The following PLD1 variants were observed in gnomAD, a reference collection of about 807,000 sequenced individuals.
The protein encoded by PLD1 is choline phosphatase 1.
A neutral mutation model predicts 137.1 loss-of-function variants in PLD1; 112 were observed. That is an observed-to-expected ratio of 0.82 (90% CI 0.70 to 0.96). The LOEUF is 0.96. Ranked by LOEUF, PLD1 falls within the 40% of genes least tolerant of loss-of-function variation. The probability of loss-of-function intolerance (pLI) is 0.00; values close to 1 mark genes in which losing one functional copy is unlikely to be tolerated. For synonymous variants in PLD1, 431 were observed against 454.7 expected (o/e 0.95, Z 0.66); for missense variants, 1,321 against 1,342.0 (o/e 0.98, Z 0.24).
chr3:171,737,441 A>G, intron 3 of PLD1, 91 bp downstream of exon 3: 2 of 1,097,732 alleles, frequency 1.8e-6, no homozygotes, highest in Non-Finnish European at 2.6e-6. Context: ...TACAAACATG[A>G]TCATAGCTAA....
intron 10 of PLD1, 72 bp downstream of exon 10, chr3:171,709,488 C>A: frequency 7.7e-7 from 1 of 1,292,392 alleles, no homozygotes; most frequent in Non-Finnish European, 1.1e-6. Context: ...AAACTGATTC[C>A]AGGTGAATTT....
chr3:171,728,196 G>C (rs1444854061), intron 6 of PLD1, among the ~76,000 whole-genome samples: 1 of 152,118 alleles, frequency 6.6e-6, no homozygotes, highest in Non-Finnish European at 1.5e-5. Context: ...CGTAATCCCA[G>C]CTACTCAGGA....
intron 19 of PLD1, among the ~76,000 whole-genome samples, chr3:171,671,701 C>T (rs1480385885): frequency 6.6e-6 from 1 of 151,714 alleles, no homozygotes; most frequent in East Asian, 1.9e-4. Flanking sequence ...ACATCATATT[C>T]CTTCTTGGTG....
chr3:171,628,045 C>A (rs1734294752), intron 23 of PLD1, among the ~76,000 whole-genome samples: 2 of 151,146 alleles, frequency 1.3e-5, no homozygotes, highest in East Asian at 3.9e-4. Context: ...ACACAAAAAA[C>A]CCTTCAAAAA....
intron 1 of PLD1, among the ~76,000 whole-genome samples, chr3:171,802,328 G>A (rs1476215854): frequency 1.3e-5 from 2 of 152,170 alleles, no homozygotes; most frequent in African/African-American, 4.8e-5. Context: ...ATAACCCTAG[G>A]TGAAAGGCTG....
chr3:171,665,055 T>C (rs1322565975), intron 19 of PLD1, among the ~76,000 whole-genome samples: 1 of 152,238 alleles, frequency 6.6e-6, no homozygotes, highest in Non-Finnish European at 1.5e-5. Context: ...AAAAACCTTA[T>C]ACTTTCTTTC....
intron 1 of PLD1, among the ~76,000 whole-genome samples, chr3:171,764,870 A>AGGAAGGAAG (rs1312215483): frequency 1.1e-4 from 3 of 26,302 alleles, no homozygotes; most frequent in African/African-American, 1.7e-4. Context: ...AAAGAAAGAA[A>AGGAAGGAAG]GAAAGAAAGA....
At chr3:171,791,457 C>A (rs1485415821) in intron 1 of PLD1, among the ~76,000 whole-genome samples, 1 of 152,150 alleles carries the variant, frequency 6.6e-6, no homozygotes, top group South Asian at 2.1e-4. Flanking sequence ...CTGGCAGTCA[C>A]CTTGCCAGCT....
At chr3:171,708,518 TCCAAATGCAAATATAAAA>T (rs1360666868) in intron 11 of PLD1, among the ~76,000 whole-genome samples, 1 of 152,214 alleles carries the variant, frequency 6.6e-6, no homozygotes, top group Non-Finnish European at 1.5e-5. Flanking sequence ...GAAGTCTGCT[TCCAAATGCAAATATAAAA>T]CCTAATTGTT....
At chr3:171,698,916 C>T (rs540551429) in intron 12 of PLD1, among the ~76,000 whole-genome samples, 2 of 142,456 alleles carry the variant, frequency 1.4e-5, no homozygotes, top group African/African-American at 5.2e-5. Context: ...GCAGAGGTTG[C>T]AGTGAGCCGA....
At chr3:171,757,564 C>G (rs1197096050) in intron 1 of PLD1, among the ~76,000 whole-genome samples, 1 of 152,096 alleles carries the variant, frequency 6.6e-6, no homozygotes, top group Non-Finnish European at 1.5e-5. Context: ...AAAACAGAGT[C>G]CTTTTGAAAT....
intron 9 of PLD1, among the ~76,000 whole-genome samples, chr3:171,712,358 C>T (rs1717329997): frequency 6.6e-6 from 1 of 152,158 alleles, no homozygotes. Context: ...CCTGCAAGCA[C>T]TACTCCAATT....
intron 23 of PLD1, among the ~76,000 whole-genome samples, chr3:171,639,594 T>C (rs1246069494): frequency 1.1e-5 from 1 of 93,972 alleles, no homozygotes; most frequent in East Asian, 2.7e-4. Flanking sequence ...ATATAATATA[T>C]ATTCATATAA....
Position 171,603,580 on chromosome 3 carries a change from T to A in PLD1, c.3001-278A>T, listed in dbSNP as rs112426157. 9.6e-3 allele frequency among the ~76,000 whole-genome samples: 1,458 copies of A among 152,296 alleles called. 10 individuals are homozygous for A. Among genetic ancestry groups the A allele is most frequent in the African/African-American group, 0.032 (1,341 of 41,562 alleles). On this transcript the variant is annotated intron_variant, in intron 26 of 26. Coordinates refer to ENST00000351298, the MANE Select transcript of PLD1 (RefSeq NM_002662.5). ...CACATTAAGGTTAATTTTTTTTGGA[T>A]AATAATCATCCCTGAATTTCACTGG...
Position 171,709,676 on chromosome 3 carries a change from A to C in PLD1, c.945T>G (p.His315Gln). The change falls in exon 10 of 27, where the codon CAT (histidine) becomes CAG (glutamine). Residue 315 changes from histidine (H) to glutamine (Q), a missense_variant. Coordinates refer to ENST00000351298, the MANE Select transcript of PLD1 (RefSeq NM_002662.5). ...TLILKCNSYRHARWWGGAIEE... is the reference protein window; with the variant it reads ...TLILKCNSYRQARWWGGAIEE... Reference sequence around the variant, plus strand: ...CTATAGCCCCTCCCCACCACCGAGCATGTCTATAGCTGTTGCATTTTAAAA... The same window carrying C: ...CTATAGCCCCTCCCCACCACCGAGCCTGTCTATAGCTGTTGCATTTTAAAA... 1 of 1,614,046 alleles carries C rather than the reference A, an allele frequency of 6.2e-7. No homozygotes were observed. The highest frequency in any genetic ancestry group is 8.5e-7 in the Non-Finnish European group (1 of 1,179,936).
chr3:171,611,783 T>G (rs1390088426), intron 25 of PLD1: 1 of 378,364 alleles, frequency 2.6e-6, no homozygotes. Context: ...GGTCTAGTCC[T>G]AATTCAGTTA....
At chr3:171,711,817 T>TAAAAAA (rs36106956) in intron 9 of PLD1, among the ~76,000 whole-genome samples, 2 of 99,164 alleles carry the variant, frequency 2.0e-5, no homozygotes, top group African/African-American at 3.9e-5. Flanking sequence ...TTATAAATGC[T>TAAAAAA]AAAAAAAAAA....
chr3:171,682,543 C>T (rs752833074), intron 16 of PLD1, among the ~76,000 whole-genome samples: 4 of 152,204 alleles, frequency 2.6e-5, no homozygotes, highest in Admixed American at 1.3e-4. Context: ...AAATTTCTAA[C>T]GAAGAGTCAC....
Position 171,799,712 on chromosome 3 carries a change from G to C in PLD1, c.-32+10687C>G, listed in dbSNP as rs1411034515. ...CAACTTCAGTGAGGTGATCAAAGTG[G>C]ACATCACCAGTGATAAGTCATGCTG... On this transcript the variant is annotated intron_variant, in intron 1 of 26. Transcript: ENST00000351298. 7.2e-5 allele frequency among the ~76,000 whole-genome samples: 11 copies of C among 152,156 alleles called. No homozygotes were observed. The East Asian group carries it at 2.1e-3, about 29-fold the overall frequency.
Sources: allele counts gnomAD v4.1 joint callset (sites outside exome capture counted in the v4.1 genomes callset), GRCh38; gene constraint gnomAD v4.1.1; transcripts MANE v1.5; gene names NCBI Gene and HGNC (gene_info 2026-07-23, HGNC 2026-07-21).